Variants in DPP6 observed in about 807,000 individuals in gnomAD.
DPP6 encodes the protein dipeptidyl peptidase like 6.
Under a neutral mutation model 122.6 loss-of-function variants are expected in DPP6, and 69 were observed. The ratio of observed to expected loss-of-function variants is 0.56; its 90% CI spans 0.46 to 0.69. The LOEUF (loss-of-function observed/expected upper bound fraction) is 0.69. DPP6 is among the 30% of genes least tolerant of loss of function. DPP6 has a pLI of 0.00. For synonymous variants in DPP6, 418 were observed against 433.1 expected (o/e 0.97, Z 0.43); for missense variants, 928 against 1,116.9 (o/e 0.83, Z 2.41).
At chr7:154,638,154 T>C (rs1835846296) in intron 6 of DPP6, among the ~76,000 whole-genome samples, 1 of 152,188 alleles carries the variant, frequency 6.6e-6, no homozygotes, top group South Asian at 2.1e-4. Flanking sequence ...CTGGAGGTTC[T>C]TCAGAGCCGG....
At chr7:154,018,233 A>G (rs1324823503) in intron 1 of DPP6, among the ~76,000 whole-genome samples, 2 of 151,742 alleles carry the variant, frequency 1.3e-5, no homozygotes, top group Admixed American at 1.3e-4. Context: ...GATCATGAAC[A>G]TCTGTTTGGT....
chr7:153,888,705 CTTTTTTTTTT>C (rs142238331), intron 1 of DPP6, among the ~76,000 whole-genome samples: 5 of 77,000 alleles, frequency 6.5e-5, no homozygotes, highest in African/African-American at 2.8e-4. Flanking sequence ...CTGGCTGGCA[CTTTTTTTTTT>C]TTTTTTTTTT....
chr7:154,117,942 T>A (rs566227800), intron 1 of DPP6, among the ~76,000 whole-genome samples: 1 of 152,008 alleles, frequency 6.6e-6, no homozygotes, highest in Admixed American at 6.5e-5. Context: ...TTAACACAGA[T>A]CTCCCGAACA....
chr7:154,170,747 T>A (rs971475479), intron 1 of DPP6, among the ~76,000 whole-genome samples: 1 of 152,174 alleles, frequency 6.6e-6, no homozygotes, highest in African/African-American at 2.4e-5. Flanking sequence ...AAGTGAGATA[T>A]CCACAGACAG....
chr7:154,882,892 C>T (rs1388976167), intron 21 of DPP6, among the ~76,000 whole-genome samples: 1 of 147,770 alleles, frequency 6.8e-6, no homozygotes, highest in Non-Finnish European at 1.5e-5. Flanking sequence ...CCGGAACGAT[C>T]GTGCAGGTCA....
the DPP6 span, among the ~76,000 whole-genome samples, chr7:153,844,087 C>G: frequency 6.6e-6 from 1 of 152,180 alleles, no homozygotes; most frequent in Non-Finnish European, 1.5e-5. Context: ...TGTGAAACCT[C>G]CCTGACTGCA....
At chr7:154,535,771 G>A (rs1370534551) in intron 3 of DPP6, among the ~76,000 whole-genome samples, 1 of 151,902 alleles carries the variant, frequency 6.6e-6, no homozygotes, top group East Asian at 1.9e-4. Flanking sequence ...ATGAGAAGAT[G>A]TTCATTATTA....
chr7:154,754,870 A>G (rs1843582690), intron 8 of DPP6, among the ~76,000 whole-genome samples: 1 of 152,124 alleles, frequency 6.6e-6, no homozygotes, highest in Admixed American at 6.6e-5. Flanking sequence ...GCAAACAAAC[A>G]CAGGAACAGA....
At chr7:154,572,224 T>G (rs1831153289) in intron 5 of DPP6, among the ~76,000 whole-genome samples, 2 of 152,174 alleles carry the variant, frequency 1.3e-5, no homozygotes, top group African/African-American at 4.8e-5. Flanking sequence ...ACTGTGAAAT[T>G]TATAATTCAT....
Position 153,895,728 on chromosome 7 carries a change from G to GCGCA in DPP6, c.51+7995_51+7996insGCAC, listed in dbSNP as rs1563214263. Among the ~76,000 whole-genome samples, 5 of 149,948 alleles carry GCGCA rather than the reference G, an allele frequency of 3.3e-5. No individual in the cohort carries two copies. The South Asian group carries it at 1.1e-3, about 32-fold the overall frequency. On this transcript the variant is annotated intron_variant, in intron 1 of 25. Transcript: ENST00000404039. ...ACCATATACATGCATGTGCATGCGT[G>GCGCA]CACACACACACACACACACACACAC...
chr7:153,906,844 A>C (rs530406692), intron 1 of DPP6, among the ~76,000 whole-genome samples: 1 of 152,312 alleles, frequency 6.6e-6, no homozygotes, highest in Non-Finnish European at 1.5e-5. Context: ...TCATTCTTTC[A>C]TATGGCCGAG....
intron 1 of DPP6, among the ~76,000 whole-genome samples, chr7:154,388,259 C>T (rs1814296117): frequency 6.6e-6 from 1 of 152,160 alleles, no homozygotes; most frequent in South Asian, 2.1e-4. Context: ...ACCACTCCAG[C>T]CTGGGCAACA....
At chr7:153,825,934 A>G in the DPP6 span, among the ~76,000 whole-genome samples, 1 of 152,212 alleles carries the variant, frequency 6.6e-6, no homozygotes, top group South Asian at 2.1e-4. Context: ...AATATTGGCC[A>G]AATAAAATTG....
chr7:154,176,400 A>G (rs10270857), intron 1 of DPP6, among the ~76,000 whole-genome samples: 8,154 of 152,266 alleles, frequency 0.054, 757 homozygotes, highest in African/African-American at 0.18. Flanking sequence ...CAGCTGGTTG[A>G]GACCCATTGA....
At chr7:154,538,041 CA>C (rs576806069) in intron 3 of DPP6, among the ~76,000 whole-genome samples, 4 of 144,780 alleles carry the variant, frequency 2.8e-5, no homozygotes, top group East Asian at 2.0e-4. Context: ...AGGTCAAATG[CA>C]AAAAAAAACT....
At chr7:154,179,146 C>T (rs1797953423) in intron 1 of DPP6, among the ~76,000 whole-genome samples, 2 of 152,228 alleles carry the variant, frequency 1.3e-5, no homozygotes, top group Non-Finnish European at 2.9e-5. Flanking sequence ...CACAGGACTG[C>T]AGACCAGGCC....
intron 1 of DPP6, among the ~76,000 whole-genome samples, chr7:154,368,754 T>G (rs1812394516): frequency 6.6e-6 from 1 of 152,230 alleles, no homozygotes; most frequent in Admixed American, 6.5e-5. Context: ...TGAATTAAAT[T>G]TTCCCAAAGT....
intron 1 of DPP6, among the ~76,000 whole-genome samples, chr7:154,346,740 A>G (rs1810433426): frequency 6.6e-6 from 1 of 152,164 alleles, no homozygotes; most frequent in Non-Finnish European, 1.5e-5. Flanking sequence ...TAGGCTGAGC[A>G]TCTGTATCAA....
intron 1 of DPP6, among the ~76,000 whole-genome samples, chr7:154,296,249 T>C (rs1004620415): frequency 2.0e-5 from 3 of 152,090 alleles, no homozygotes; most frequent in African/African-American, 7.2e-5. Flanking sequence ...CGGCTGCCGT[T>C]GCTTCTAATT....
Sources: allele counts gnomAD v4.1 joint callset (sites outside exome capture counted in the v4.1 genomes callset), GRCh38; gene constraint gnomAD v4.1.1; transcripts MANE v1.5; gene names NCBI Gene and HGNC (gene_info 2026-07-23, HGNC 2026-07-21).